Variants in MYO3A observed in about 807,000 individuals in gnomAD.
The protein encoded by MYO3A is myosin IIIA, also known as myosin-IIIa.
In MYO3A, 180 loss-of-function variants were observed where a neutral mutation model predicts 192.7. The observed-to-expected ratio is 0.93, with a 90% confidence interval of 0.83 to 1.06. The LOEUF (loss-of-function observed/expected upper bound fraction) is 1.06. MYO3A is among the 50% of genes least tolerant of loss of function. MYO3A has a pLI of 0.00. For missense variants in MYO3A, 1,896 were observed against 1,905.0 expected (o/e 1.00, Z 0.09); for synonymous variants, 628 against 645.3 (o/e 0.97, Z 0.41).
At position 25,954,903 on chromosome 10, in the gene MYO3A, T is replaced by C. The variant is rs1443627456; in HGVS notation, c.198T>C (p.Tyr66=). The change falls in exon 4 of 35, where the codon TAT becomes TAC. Residue 66 remains tyrosine (Y), a synonymous_variant. Coordinates refer to ENST00000642920, the MANE Select transcript of MYO3A (RefSeq NM_017433.5). ...HDIDEEIEAE[Y]NILKALSDHP... ...TTGACGAAGAGATTGAAGCAGAATATAACATCTTAAAAGCACTTTCTGACC... is the reference window on the plus strand; with the variant it reads ...TTGACGAAGAGATTGAAGCAGAATACAACATCTTAAAAGCACTTTCTGACC... The C allele has an allele frequency of 6.2e-7, 1 of 1,612,584 alleles. No homozygotes were observed. The highest frequency in any genetic ancestry group is 1.7e-5 in the Admixed American group (1 of 59,924).
At chr10:26,112,709 A>G (rs1326097525) in intron 17 of MYO3A, among the ~76,000 whole-genome samples, 5 of 152,166 alleles carry the variant, frequency 3.3e-5, no homozygotes, top group African/African-American at 1.2e-4. Flanking sequence ...TCACGTGTGC[A>G]TTTGTGATTC....
At chr10:26,047,847 AG>A (rs2131266719) in intron 10 of MYO3A, among the ~76,000 whole-genome samples, 1 of 152,244 alleles carries the variant, frequency 6.6e-6, no homozygotes, top group African/African-American at 2.4e-5. Context: ...TCTGCCCCAT[AG>A]GAGGCCGGAC....
At chr10:26,195,106 A>C (rs753519197) in intron 32 of MYO3A, among the ~76,000 whole-genome samples, 16 of 152,178 alleles carry the variant, frequency 1.1e-4, no homozygotes, top group Admixed American at 2.6e-4. Flanking sequence ...CCCTGCCCCA[A>C]GCTCTAGGCG....
chr10:26,204,866 T>G (rs1214803216), intron 34 of MYO3A, among the ~76,000 whole-genome samples: 4 of 152,196 alleles, frequency 2.6e-5, no homozygotes, highest in Non-Finnish European at 5.9e-5. Flanking sequence ...GATAAGGTTT[T>G]TTTTTCTAAA....
intron 14 of MYO3A, among the ~76,000 whole-genome samples, chr10:26,076,634 G>T (rs985772930): frequency 6.6e-6 from 1 of 151,894 alleles, no homozygotes; most frequent in Non-Finnish European, 1.5e-5. Flanking sequence ...ATAGTTTCAG[G>T]TATTAAGTCC....
chr10:26,158,377 C>T (rs571122595), intron 26 of MYO3A, among the ~76,000 whole-genome samples: 2 of 151,934 alleles, frequency 1.3e-5, no homozygotes, highest in South Asian at 2.1e-4. Flanking sequence ...CTCAGCCTCC[C>T]GACTAGCTGG....
chr10:26,185,553 T>C (rs1406513222), intron 31 of MYO3A, among the ~76,000 whole-genome samples: 4 of 152,038 alleles, frequency 2.6e-5, no homozygotes, highest in Non-Finnish European at 5.9e-5. Context: ...TTGGCCAGAC[T>C]GGTCTCGAAC....
chr10:26,166,426 C>T (rs973431651), intron 27 of MYO3A, among the ~76,000 whole-genome samples: 1 of 152,098 alleles, frequency 6.6e-6, no homozygotes, highest in Non-Finnish European at 1.5e-5. Flanking sequence ...CCTCTAATCC[C>T]AACACTTTGG....
At chr10:26,110,818 C>A (rs536835399) in intron 17 of MYO3A, among the ~76,000 whole-genome samples, 4 of 151,394 alleles carry the variant, frequency 2.6e-5, no homozygotes, top group South Asian at 2.1e-4. Flanking sequence ...GACCTGGAGT[C>A]AGAGATGACC....
At chr10:26,162,269 A>G (rs1841520405) in intron 26 of MYO3A, among the ~76,000 whole-genome samples, 1 of 152,264 alleles carries the variant, frequency 6.6e-6, no homozygotes, top group South Asian at 2.1e-4. Context: ...AGGATGGTTT[A>G]GATTGTATGA....
intron 10 of MYO3A, among the ~76,000 whole-genome samples, chr10:26,036,972 C>A (rs1342087031): frequency 6.6e-6 from 1 of 152,224 alleles, no homozygotes; most frequent in Admixed American, 6.5e-5. Flanking sequence ...TCACTTTGTT[C>A]TTCAGTTAGA....
chr10:26,169,207 A>G (rs1376392147), intron 28 of MYO3A, among the ~76,000 whole-genome samples: 1 of 152,184 alleles, frequency 6.6e-6, no homozygotes, highest in Admixed American at 6.5e-5. Flanking sequence ...AATTTTTTCT[A>G]CTTTATTCCA....
At chr10:26,154,298 CA>C (rs1241764408) in intron 24 of MYO3A, among the ~76,000 whole-genome samples, 2 of 152,140 alleles carry the variant, frequency 1.3e-5, no homozygotes, top group African/African-American at 2.4e-5. Context: ...TCTCCTGCCT[CA>C]GCCTCCTGAT....
intron 10 of MYO3A, among the ~76,000 whole-genome samples, chr10:26,042,912 C>T (rs1255531926): frequency 6.6e-6 from 1 of 152,126 alleles, no homozygotes; most frequent in Non-Finnish European, 1.5e-5. Context: ...TTAGCTATTT[C>T]TGGTAGTGTT....
rs1364441323 is a variant in MYO3A, at chr10:26,068,848, T to C, written c.1134T>C (p.Leu378=). 2 of 1,598,318 alleles carry C rather than the reference T, an allele frequency of 1.3e-6. No homozygotes were observed. The highest frequency in any genetic ancestry group is 2.7e-5 in the African/African-American group (2 of 74,648). The part of the protein sequence containing the change: ...YVYVGDILIA[L]NPFQSLGLYS... ...ATGTGGGAGACATACTCATTGCTCT[T>C]AACCCTTTTCAGAGTCTGGGTCTTT... Residue 378 remains leucine (L), a synonymous_variant, in exon 12 of 35, where the codon CTT becomes CTC. Transcript: ENST00000642920.
chr10:25,957,557 T>C (rs1837635443), intron 4 of MYO3A, among the ~76,000 whole-genome samples: 1 of 152,182 alleles, frequency 6.6e-6, no homozygotes, highest in African/African-American at 2.4e-5. Flanking sequence ...CATACATGTG[T>C]CTGTGTCTTT....
chr10:26,154,022 T>C, intron 24 of MYO3A, 93 bp downstream of exon 24: 1 of 907,466 alleles, frequency 1.1e-6, no homozygotes, highest in Non-Finnish European at 1.8e-6. Context: ...ACAGTTTTTT[T>C]CTTAGTTTTT....
chr10:26,164,334 AAGG>A (rs1841625806), intron 26 of MYO3A, among the ~76,000 whole-genome samples: 1 of 151,838 alleles, frequency 6.6e-6, no homozygotes, highest in South Asian at 2.1e-4. Flanking sequence ...ATATACAGAA[AAGG>A]AGGAGGAGAT....
At chr10:26,044,000 A>G (rs975332750) in intron 10 of MYO3A, among the ~76,000 whole-genome samples, 8 of 152,206 alleles carry the variant, frequency 5.3e-5, no homozygotes, top group African/African-American at 1.9e-4. Flanking sequence ...CTGGTCATTC[A>G]GGGCCCAAGA....
Sources: allele counts gnomAD v4.1 joint callset (sites outside exome capture counted in the v4.1 genomes callset), GRCh38; gene constraint gnomAD v4.1.1; transcripts MANE v1.5; gene names NCBI Gene and HGNC (gene_info 2026-07-23, HGNC 2026-07-21).